The following SGCZ variants were observed in gnomAD, a reference collection of about 807,000 sequenced individuals.
SGCZ encodes the protein sarcoglycan zeta.
SGCZ carries 40 observed loss-of-function variants against 41.3 expected under a neutral mutation model. That is an observed-to-expected ratio of 0.97 (90% CI 0.75 to 1.26). The LOEUF (loss-of-function observed/expected upper bound fraction) is 1.26, where lower values mean the gene tolerates loss of function less well. Among genes scored for constraint, SGCZ ranks in the 50% most tolerant of loss-of-function variants. SGCZ has a pLI of 0.00. For missense variants in SGCZ, 552 were observed against 369.8 expected, an observed-to-expected ratio of 1.49 and a Z score of -4.04; for synonymous variants, 206 against 137.5, an observed-to-expected ratio of 1.50 and a Z score of -3.49.
At chr8:14,924,570 G>A (rs1350985837) in intron 1 of SGCZ, among the ~76,000 whole-genome samples, 2 of 151,848 alleles carry the variant, frequency 1.3e-5, no homozygotes, top group African/African-American at 4.8e-5. Context: ...ATTTACATCA[G>A]AAGCTTATCC....
chr8:14,678,941 T>A lies in SGCZ; in HGVS notation c.40-124015A>T, dbSNP rs1430480444. Among the ~76,000 whole-genome samples, 3 of 152,298 alleles carry A rather than the reference T, an allele frequency of 2.0e-5. 1 individual carries two copies. In the South Asian group the frequency reaches 6.2e-4, roughly 32 times the overall value. The stretch of plus-strand genomic sequence containing the variant: ...CAGAAGCTAATCTGAAAAGCCTACA[T>A]ACTGTAAGATTCCAAATACAGCATA... On this transcript the variant is annotated intron_variant, in intron 1 of 7. Coordinates refer to ENST00000382080, the MANE Select transcript of SGCZ (RefSeq NM_139167.4).
chr8:15,039,777 A>G (rs1804013242), intron 1 of SGCZ, among the ~76,000 whole-genome samples: 2 of 152,268 alleles, frequency 1.3e-5, no homozygotes, highest in Non-Finnish European at 1.5e-5. Flanking sequence ...CATTTCCTTG[A>G]GAACCAGGAA....
chr8:15,045,282 G>A (rs1046687687), intron 1 of SGCZ, among the ~76,000 whole-genome samples: 1 of 152,038 alleles, frequency 6.6e-6, no homozygotes, highest in Admixed American at 6.6e-5. Context: ...ACCTTTTACA[G>A]AGCTGATGAA....
At chr8:14,867,760 T>C (rs1017035211) in intron 1 of SGCZ, among the ~76,000 whole-genome samples, 1 of 151,988 alleles carries the variant, frequency 6.6e-6, no homozygotes, top group Non-Finnish European at 1.5e-5. Flanking sequence ...CTGGGGCCTC[T>C]TGGAGGGTGG....
At chr8:15,176,768 G>A (rs1001664600) in intron 1 of SGCZ, among the ~76,000 whole-genome samples, 5 of 152,162 alleles carry the variant, frequency 3.3e-5, no homozygotes, top group South Asian at 2.1e-4. Context: ...TTGGGAGGCC[G>A]AGGTGGGCGG....
At chr8:14,128,651 G>C (rs915041879) in intron 5 of SGCZ, among the ~76,000 whole-genome samples, 3 of 152,014 alleles carry the variant, frequency 2.0e-5, no homozygotes, top group Non-Finnish European at 4.4e-5. Flanking sequence ...ATCAACCTAA[G>C]TGTCCATCAG....
At chr8:14,935,244 A>G (rs1190475486) in intron 1 of SGCZ, among the ~76,000 whole-genome samples, 1 of 151,720 alleles carries the variant, frequency 6.6e-6, no homozygotes, top group Admixed American at 6.6e-5. Flanking sequence ...CATGTTTTTA[A>G]ATTTCATATA....
chr8:14,712,131 A>T (rs1179054918), intron 1 of SGCZ, among the ~76,000 whole-genome samples: 2 of 152,182 alleles, frequency 1.3e-5, no homozygotes, highest in African/African-American at 4.8e-5. Flanking sequence ...AGCTTAGCCA[A>T]TCAGAAACTT....
chr8:15,016,206 C>CA (rs1185023581), intron 1 of SGCZ, among the ~76,000 whole-genome samples: 2 of 152,154 alleles, frequency 1.3e-5, no homozygotes, highest in African/African-American at 4.8e-5. Context: ...ACACCTGCCC[C>CA]ATTCCATCCC....
chr8:14,993,824 G>A (rs1240262497), intron 1 of SGCZ, among the ~76,000 whole-genome samples: 1 of 152,206 alleles, frequency 6.6e-6, no homozygotes, highest in South Asian at 2.1e-4. Flanking sequence ...ATGGGCCTCT[G>A]TTGGGATTTT....
At chr8:14,900,191 G>C (rs1798922020) in intron 1 of SGCZ, among the ~76,000 whole-genome samples, 1 of 152,086 alleles carries the variant, frequency 6.6e-6, no homozygotes, top group South Asian at 2.1e-4. Flanking sequence ...ACACAGGCTG[G>C]AATAGTTTTT....
intron 1 of SGCZ, among the ~76,000 whole-genome samples, chr8:14,971,741 C>G (rs1801305145): frequency 6.6e-6 from 1 of 150,530 alleles, no homozygotes; most frequent in African/African-American, 2.4e-5. Context: ...CCTCCACCTC[C>G]CGGGTTCAAG....
chr8:14,140,243 T>C (rs1423988891), intron 5 of SGCZ, among the ~76,000 whole-genome samples: 1 of 152,146 alleles, frequency 6.6e-6, no homozygotes, highest in Non-Finnish European at 1.5e-5. Context: ...CTGGAAGCAT[T>C]CCCTTTGAAA....
intron 2 of SGCZ, among the ~76,000 whole-genome samples, chr8:14,434,844 G>A (rs1800043289): frequency 1.3e-5 from 2 of 152,074 alleles, no homozygotes; most frequent in Non-Finnish European, 2.9e-5. Flanking sequence ...TAGGACAATC[G>A]CTTGAGCCTA....
At chr8:14,642,655 C>T (rs1032958970) in intron 1 of SGCZ, among the ~76,000 whole-genome samples, 1 of 151,444 alleles carries the variant, frequency 6.6e-6, no homozygotes, top group Admixed American at 6.6e-5. Context: ...ATTGTCAATG[C>T]TACTTTTATT....
intron 3 of SGCZ, among the ~76,000 whole-genome samples, chr8:14,268,896 T>A (rs1799965662): frequency 6.6e-6 from 1 of 151,734 alleles, no homozygotes; most frequent in African/African-American, 2.4e-5. Context: ...AAACTTTAAA[T>A]AAAATAATTG....
At chr8:14,668,112 C>G (rs796134185) in intron 1 of SGCZ, among the ~76,000 whole-genome samples, 2 of 152,032 alleles carry the variant, frequency 1.3e-5, no homozygotes, top group Non-Finnish European at 2.9e-5. Context: ...ACCCCCGCCA[C>G]CACACCCAGC....
chr8:14,688,415 C>G (rs1808688548), intron 1 of SGCZ, among the ~76,000 whole-genome samples: 1 of 152,098 alleles, frequency 6.6e-6, no homozygotes, highest in Non-Finnish European at 1.5e-5. Flanking sequence ...CTACCTATGG[C>G]TAGCCAGTTT....
rs151231518 is a variant in SGCZ, at chr8:14,430,342, T to A, written c.235-106138A>T. On this transcript the variant is annotated intron_variant, in intron 2 of 7. Transcript: ENST00000382080. ...TCCAACAACATATCAAAAAGATAAT[T>A]CACCATAATCAAGTGGGTTTCATAC... Among the ~76,000 whole-genome samples, 810 of 152,220 alleles carry A rather than the reference T, an allele frequency of 5.3e-3. 34 individuals carry two copies. The highest frequency in any genetic ancestry group is 0.048 in the Admixed American group (731 of 15,282).
Sources: gnomAD v4.1 joint callset for allele counts (sites outside exome capture counted in the v4.1 genomes callset) on GRCh38, gnomAD v4.1.1 for gene constraint, MANE v1.5 for transcripts, NCBI Gene and HGNC (gene_info 2026-07-23, HGNC 2026-07-21) for gene names.